The following VPS54 variants were observed in gnomAD, a reference collection of about 807,000 sequenced individuals.
VPS54 encodes the protein VPS54 subunit of GARP complex.
A neutral mutation model predicts 121.5 loss-of-function variants in VPS54; 45 were observed. That is an observed-to-expected ratio of 0.37 (90% CI 0.29 to 0.47). The LOEUF is 0.47. VPS54 is among the 20% of genes least tolerant of loss of function. The pLI, the probability that VPS54 is intolerant of heterozygous loss-of-function variation, is 0.99. For synonymous variants in VPS54, 371 were observed against 385.8 expected (o/e 0.96, Z 0.45); for missense variants, 1,090 against 1,131.4 (o/e 0.96, Z 0.52).
chr2:63,898,444 A>G (rs984403751), intron 21 of VPS54, among the ~76,000 whole-genome samples: 1 of 152,330 alleles, frequency 6.6e-6, no homozygotes. Context: ...GAGTTACATG[A>G]TATTTATTCA....
intron 9 of VPS54, 49 bp downstream of exon 9, chr2:63,947,334 T>A: frequency 6.9e-7 from 1 of 1,439,574 alleles, no homozygotes; most frequent in Non-Finnish European, 9.3e-7. Context: ...AAAAATAAAC[T>A]TCACAAAGGT....
intron 4 of VPS54, among the ~76,000 whole-genome samples, chr2:63,970,462 TC>T (rs1278717768): frequency 6.6e-6 from 1 of 151,756 alleles, no homozygotes; most frequent in Non-Finnish European, 1.5e-5. Context: ...CAATAATCTA[TC>T]TCAAATCTTC....
intron 22 of VPS54, among the ~76,000 whole-genome samples, chr2:63,895,499 G>A (rs1444231037): frequency 1.3e-5 from 2 of 152,142 alleles, no homozygotes; most frequent in Non-Finnish European, 2.9e-5. Context: ...GAAATAGGAA[G>A]CAGCTGCCTA....
intron 5 of VPS54, among the ~76,000 whole-genome samples, chr2:63,967,007 CTTAA>C (rs1022274945): frequency 6.6e-6 from 1 of 152,140 alleles, no homozygotes; most frequent in African/African-American, 2.4e-5. Context: ...ATCATGCATA[CTTAA>C]TTATTTACCT....
chr2:63,921,955 A>AG (rs1673666225), intron 12 of VPS54, among the ~76,000 whole-genome samples: 1 of 152,254 alleles, frequency 6.6e-6, no homozygotes, highest in Non-Finnish European at 1.5e-5. Context: ...ATAGGCACCT[A>AG]GGATGATACA....
intron 1 of VPS54, among the ~76,000 whole-genome samples, chr2:63,998,710 C>T (rs964438355): frequency 6.6e-6 from 1 of 152,084 alleles, no homozygotes; most frequent in Non-Finnish European, 1.5e-5. Context: ...CTATGTCCCC[C>T]CACTTTATAG....
chr2:63,957,525 AT>A (rs993654056), intron 7 of VPS54, among the ~76,000 whole-genome samples: 5 of 152,062 alleles, frequency 3.3e-5, no homozygotes, highest in Admixed American at 2.0e-4. Context: ...ATCATTCAAA[AT>A]TTTTTAAATT....
intron 7 of VPS54, among the ~76,000 whole-genome samples, chr2:63,957,513 C>T (rs35810427): frequency 0.18 from 26,576 of 149,876 alleles, 3,100 homozygotes; most frequent in Non-Finnish European, 0.24. Flanking sequence ...TCAGGTAGTA[C>T]AATCATTCAA....
intron 13 of VPS54, 96 bp downstream of exon 13, chr2:63,921,110 A>G (rs1279291347): frequency 1.6e-6 from 2 of 1,288,442 alleles, no homozygotes; most frequent in Admixed American, 4.9e-5. Flanking sequence ...TTAAAAATAT[A>G]ATATGCATTA....
chr2:63,912,306 G>A (rs1443703142), intron 20 of VPS54, 39 bp downstream of exon 20: 1 of 1,496,692 alleles, frequency 6.7e-7, no homozygotes, highest in African/African-American at 1.4e-5. Context: ...AAATCATAAT[G>A]TCTTTGAACA....
At chr2:63,996,182 C>T (rs1677579667) in intron 1 of VPS54, among the ~76,000 whole-genome samples, 2 of 152,176 alleles carry the variant, frequency 1.3e-5, no homozygotes, top group African/African-American at 4.8e-5. Context: ...GAAGCCATGG[C>T]AGAAGAACAT....
At chr2:63,933,110 T>C (rs1308044235) in intron 12 of VPS54, among the ~76,000 whole-genome samples, 1 of 152,180 alleles carries the variant, frequency 6.6e-6, no homozygotes, top group African/African-American at 2.4e-5. Context: ...CTGGGGAATC[T>C]GGATGAAGGT....
intron 1 of VPS54, among the ~76,000 whole-genome samples, chr2:64,006,410 T>C (rs990980411): frequency 4.6e-5 from 7 of 152,254 alleles, no homozygotes; most frequent in East Asian, 1.9e-4. Context: ...GTTAAGAGTA[T>C]TGGCCATACA....
At chr2:63,937,295 TCAA>T (rs1197691406) in intron 11 of VPS54, among the ~76,000 whole-genome samples, 5 of 151,652 alleles carry the variant, frequency 3.3e-5, no homozygotes, top group African/African-American at 1.2e-4. Flanking sequence ...CTTCTACAAC[TCAA>T]CAACAAAAAA....
intron 22 of VPS54, among the ~76,000 whole-genome samples, chr2:63,896,442 T>C (rs933920246): frequency 6.6e-6 from 1 of 152,198 alleles, no homozygotes; most frequent in Non-Finnish European, 1.5e-5. Context: ...CAGTGTTCAT[T>C]ATTGTCCTTT....
At chr2:64,000,001 C>T (rs1015185185) in intron 1 of VPS54, among the ~76,000 whole-genome samples, 2 of 152,022 alleles carry the variant, frequency 1.3e-5, no homozygotes, top group Admixed American at 1.3e-4. Context: ...GCTCAGATTA[C>T]AGGGATGTGC....
chr2:64,008,282 C>T (rs947963461), intron 1 of VPS54, among the ~76,000 whole-genome samples: 9 of 152,028 alleles, frequency 5.9e-5, no homozygotes, highest in Non-Finnish European at 1.0e-4. Context: ...GGCATGGTGG[C>T]ATGCACCTGT....
chr2:63,916,794 CTG>C (rs1041556369), intron 16 of VPS54, 104 bp downstream of exon 16: 31 of 1,033,226 alleles, frequency 3.0e-5, no homozygotes, highest in Non-Finnish European at 4.0e-5. Flanking sequence ...AAATTTAACA[CTG>C]TTAAAACTGT....
intron 3 of VPS54, among the ~76,000 whole-genome samples, chr2:63,976,207 T>A (rs1232000394): frequency 6.6e-6 from 1 of 151,376 alleles, no homozygotes; most frequent in Admixed American, 6.6e-5. Context: ...CCAGGCGTGG[T>A]GTTGTGGTGG....
Sources: gnomAD v4.1 joint callset for allele counts (sites outside exome capture counted in the v4.1 genomes callset) on GRCh38, gnomAD v4.1.1 for gene constraint, MANE v1.5 for transcripts, NCBI Gene and HGNC (gene_info 2026-07-23, HGNC 2026-07-21) for gene names.